The following ZDHHC21 variants were observed in gnomAD, a reference collection of about 807,000 sequenced individuals.
The protein encoded by ZDHHC21 is palmitoyltransferase ZDHHC21.
A neutral mutation model predicts 34.6 loss-of-function variants in ZDHHC21; 15 were observed. That is an observed-to-expected ratio of 0.43 (90% CI 0.29 to 0.67). The LOEUF is 0.67. ZDHHC21 is among the 30% of genes least tolerant of loss of function. The pLI, the probability that ZDHHC21 is intolerant of heterozygous loss-of-function variation, is 0.14. For missense variants in ZDHHC21, 344 were observed against 327.7 expected (o/e 1.05, Z -0.38); for synonymous variants, 142 against 101.8 (o/e 1.40, Z -2.38).
chr9:14,626,102 C>A (rs1330395498), intron 8 of ZDHHC21, among the ~76,000 whole-genome samples: 1 of 152,012 alleles, frequency 6.6e-6, no homozygotes, highest in African/African-American at 2.4e-5. Context: ...AATTTAACTA[C>A]TCTTACACTT....
At chr9:14,608,362 G>A (rs1332724428), downstream of ZDHHC21, among the ~76,000 whole-genome samples, 1 of 152,070 alleles carries the variant, frequency 6.6e-6, no homozygotes, top group African/African-American at 2.4e-5. Context: ...TACTAAGAAA[G>A]ATAAATATCA....
At chr9:14,642,907 C>T (rs1199954044) in intron 7 of ZDHHC21, among the ~76,000 whole-genome samples, 2 of 151,972 alleles carry the variant, frequency 1.3e-5, no homozygotes, top group Non-Finnish European at 2.9e-5. Context: ...TGCTCATATA[C>T]AGATAAATTC....
At chr9:14,655,431 T>C (rs986250611) in intron 7 of ZDHHC21, among the ~76,000 whole-genome samples, 6 of 152,042 alleles carry the variant, frequency 3.9e-5, no homozygotes, top group Middle Eastern at 3.4e-3. Flanking sequence ...AAACAAATAC[T>C]GACTATAGGT....
downstream of ZDHHC21, among the ~76,000 whole-genome samples, chr9:14,609,962 A>G (rs1391776241): frequency 2.6e-5 from 4 of 152,104 alleles, no homozygotes; most frequent in African/African-American, 9.6e-5. Context: ...GCGAAGCAGT[A>G]TGAGATCCAA....
chr9:14,602,529 C>T, the ZDHHC21 span, among the ~76,000 whole-genome samples: 1 of 151,652 alleles, frequency 6.6e-6, no homozygotes, highest in Non-Finnish European at 1.5e-5. Flanking sequence ...TTCCAATGCA[C>T]ACACCATATA....
chr9:14,651,296 T>A (rs897579910), intron 7 of ZDHHC21, among the ~76,000 whole-genome samples: 61 of 151,926 alleles, frequency 4.0e-4, no homozygotes, highest in Non-Finnish European at 3.8e-4. Flanking sequence ...TTAGTATTTT[T>A]AAATATATTT....
chr9:14,685,314 G>A (rs1838128347), intron 2 of ZDHHC21, among the ~76,000 whole-genome samples: 3 of 151,488 alleles, frequency 2.0e-5, no homozygotes, highest in Admixed American at 1.3e-4. Context: ...TCTGACAAAG[G>A]GCTAATATCC....
chr9:14,635,285 C>T (rs183965748), intron 8 of ZDHHC21, among the ~76,000 whole-genome samples: 2 of 152,266 alleles, frequency 1.3e-5, no homozygotes, highest in Admixed American at 6.5e-5. Context: ...CAGCTGAAAA[C>T]TTCTCAAGTC....
rs1321726060 is a variant in ZDHHC21 at position 14,615,052 on chromosome 9, A to G, written c.*3914T>C. 1 of 151,726 alleles carries G rather than the reference A, an allele frequency of 6.6e-6. No individual in the cohort carries two copies. The highest frequency in any genetic ancestry group is 1.5e-5 in the Non-Finnish European group (1 of 67,722). The allele number at this position is 151,726 out of a possible 1,614,324, so 9.4% of individuals were successfully genotyped here. On this transcript the variant is annotated 3_prime_UTR_variant, in exon 10 of 10. Transcript: ENST00000380916. ...CTCTATTAATTAGTATTAATGGCAT[A>G]TTAAACCAGAGCTTGGTACATTGTG...
At position 14,614,462 on chromosome 9, in the gene ZDHHC21, C is replaced by T. The variant is rs1038620929; in HGVS notation, c.*4504G>A. 1 of 151,632 alleles carries T rather than the reference C, an allele frequency of 6.6e-6. No individual in the cohort carries two copies. Among genetic ancestry groups the T allele is most frequent in the African/African-American group, 2.4e-5 (1 of 41,386 alleles). 9.4% of individuals were successfully genotyped at this position (151,632 alleles called of 1,614,324 possible). A position where few individuals can be genotyped will look rare whatever the true frequency, so the allele number is the denominator to read the frequency against. ...TTTCCTGAAGTTAAACCATCATCAT[C>T]TCAAAAGGAGCAGAAATGCTAAATA... On this transcript the variant is annotated 3_prime_UTR_variant, in exon 10 of 10. Coordinates refer to ENST00000380916, the MANE Select transcript of ZDHHC21 (RefSeq NM_178566.6).
intron 7 of ZDHHC21, among the ~76,000 whole-genome samples, chr9:14,651,791 G>A (rs1205318997): frequency 6.6e-6 from 1 of 151,778 alleles, no homozygotes; most frequent in Admixed American, 6.6e-5. Context: ...AAATGACTAG[G>A]CATCTGCTTA....
At chr9:14,600,066 G>A in the ZDHHC21 span, among the ~76,000 whole-genome samples, 33 of 152,286 alleles carry the variant, frequency 2.2e-4, no homozygotes, top group East Asian at 5.2e-3. Context: ...ATGGGCAAAA[G>A]CTGGAAGCAT....
chr9:14,642,975 A>C (rs1438903710), intron 7 of ZDHHC21, among the ~76,000 whole-genome samples: 1 of 152,194 alleles, frequency 6.6e-6, no homozygotes, highest in East Asian at 1.9e-4. Flanking sequence ...ACGGTGGCTC[A>C]CGCCTGTAAT....
At chr9:14,623,859 T>G (rs1259141773) in intron 8 of ZDHHC21, among the ~76,000 whole-genome samples, 1 of 152,076 alleles carries the variant, frequency 6.6e-6, no homozygotes, top group Non-Finnish European at 1.5e-5. Flanking sequence ...TTGGCAAGGA[T>G]GTGGAGAAAA....
chr9:14,627,481 A>G (rs1826477771), intron 8 of ZDHHC21, among the ~76,000 whole-genome samples: 1 of 152,234 alleles, frequency 6.6e-6, no homozygotes, highest in Admixed American at 6.5e-5. Context: ...TGCAAAAATC[A>G]CTATTTTTTT....
intron 2 of ZDHHC21, among the ~76,000 whole-genome samples, chr9:14,681,196 T>C (rs915845248): frequency 2.6e-5 from 4 of 152,150 alleles, no homozygotes; most frequent in East Asian, 1.9e-4. Flanking sequence ...TTACTACATA[T>C]GACACGTGAT....
At chr9:14,592,827 C>T in the ZDHHC21 span, among the ~76,000 whole-genome samples, 16 of 152,114 alleles carry the variant, frequency 1.1e-4, no homozygotes, top group East Asian at 3.1e-3. Flanking sequence ...GTTTTACAGC[C>T]ACAAAGGAAT....
chr9:14,618,861 G>T lies in ZDHHC21; in HGVS notation c.*105C>A. The T allele has an allele frequency of 7.7e-7, 1 of 1,306,034 alleles. No individual in the cohort carries two copies. Among genetic ancestry groups the T allele is most frequent in the Non-Finnish European group, 1.0e-6 (1 of 989,184 alleles). 80.9% of individuals were successfully genotyped at this position (1,306,034 alleles called of 1,614,324 possible). A position where few individuals can be genotyped will look rare whatever the true frequency, so the allele number is the denominator to read the frequency against. On this transcript the variant is annotated 3_prime_UTR_variant, in exon 10 of 10. Coordinates refer to ENST00000380916, the MANE Select transcript of ZDHHC21 (RefSeq NM_178566.6). Reference sequence around the variant, plus strand: ...GGGCACATTATGATGCCTAAGACTGGTGGGTGGATTTTAATTGACTTGAAG... The same window carrying T: ...GGGCACATTATGATGCCTAAGACTGTTGGGTGGATTTTAATTGACTTGAAG...
At chr9:14,679,506 G>A (rs1238367726) in intron 3 of ZDHHC21, among the ~76,000 whole-genome samples, 3 of 152,146 alleles carry the variant, frequency 2.0e-5, no homozygotes, top group Non-Finnish European at 2.9e-5. Flanking sequence ...AAGACTGCAA[G>A]AAAACAGACC....
Sources: allele counts gnomAD v4.1 joint callset (sites outside exome capture counted in the v4.1 genomes callset), GRCh38; gene constraint gnomAD v4.1.1; transcripts MANE v1.5; gene names NCBI Gene and HGNC (gene_info 2026-07-23, HGNC 2026-07-21).